The following HIBADH variants were observed in gnomAD, a reference collection of about 807,000 sequenced individuals.
The protein encoded by HIBADH is 3-hydroxyisobutyrate dehydrogenase, mitochondrial.
A neutral mutation model predicts 36.1 loss-of-function variants in HIBADH; 25 were observed. The observed-to-expected ratio is 0.69, with a 90% confidence interval of 0.50 to 0.97. The LOEUF (loss-of-function observed/expected upper bound fraction) is 0.97. Ranked by LOEUF, HIBADH falls within the 50% of genes least tolerant of loss-of-function variation. The pLI, the probability that HIBADH is intolerant of heterozygous loss-of-function variation, is 0.00. For synonymous variants in HIBADH, 160 were observed against 149.5 expected (o/e 1.07, Z -0.51); for missense variants, 421 against 418.0 (o/e 1.01, Z -0.06).
At chr7:27,529,787 A>G (rs1783964637) in intron 7 of HIBADH, among the ~76,000 whole-genome samples, 1 of 152,254 alleles carries the variant, frequency 6.6e-6, no homozygotes, top group South Asian at 2.1e-4. Flanking sequence ...ATCAAACAGT[A>G]GCACATAAAT....
At chr7:27,660,337 C>T (rs1786389765) in intron 1 of HIBADH, among the ~76,000 whole-genome samples, 1 of 152,098 alleles carries the variant, frequency 6.6e-6, no homozygotes, top group Non-Finnish European at 1.5e-5. Flanking sequence ...TTGCAGTAAA[C>T]TAAAATTAAC....
chr7:27,645,368 A>ATG (rs1554300959), intron 2 of HIBADH, among the ~76,000 whole-genome samples: 1,443 of 59,596 alleles, frequency 0.024, 404 homozygotes, highest in African/African-American at 0.06. Flanking sequence ...CATGGTTTTG[A>ATG]TTTTTTTTTT....
At chr7:27,643,675 C>T (rs1208968613) in intron 2 of HIBADH, among the ~76,000 whole-genome samples, 1 of 152,152 alleles carries the variant, frequency 6.6e-6, no homozygotes, top group Non-Finnish European at 1.5e-5. Context: ...CCACAAGCAC[C>T]GTCGCTTAAA....
chr7:27,547,411 C>A (rs1333103934), intron 4 of HIBADH, among the ~76,000 whole-genome samples: 2 of 152,128 alleles, frequency 1.3e-5, no homozygotes, highest in Non-Finnish European at 1.5e-5. Flanking sequence ...CATTTATCAC[C>A]TCTTTAACAG....
At chr7:27,631,826 T>G (rs2128294577) in intron 3 of HIBADH, among the ~76,000 whole-genome samples, 1 of 152,342 alleles carries the variant, frequency 6.6e-6, no homozygotes, top group Admixed American at 6.5e-5. Context: ...ATTTGCAACC[T>G]CTGACATAAA....
chr7:27,637,688 C>T (rs1043978913), intron 2 of HIBADH, among the ~76,000 whole-genome samples: 1 of 152,142 alleles, frequency 6.6e-6, no homozygotes, highest in African/African-American at 2.4e-5. Context: ...ATCTAGAAAA[C>T]CCCATAGTCT....
chr7:27,543,746 T>A (rs1784194166), intron 4 of HIBADH, among the ~76,000 whole-genome samples: 1 of 152,218 alleles, frequency 6.6e-6, no homozygotes, highest in African/African-American at 2.4e-5. Flanking sequence ...ATACATCTTT[T>A]GGGCAATTTA....
chr7:27,555,199 T>C (rs2128185984), intron 4 of HIBADH, among the ~76,000 whole-genome samples: 1 of 152,168 alleles, frequency 6.6e-6, no homozygotes, highest in Admixed American at 6.5e-5. Context: ...TCTGTATATG[T>C]GATAAAGGCA....
chr7:27,591,001 T>C (rs1238719760), intron 4 of HIBADH, among the ~76,000 whole-genome samples: 2 of 152,144 alleles, frequency 1.3e-5, no homozygotes, highest in African/African-American at 4.8e-5. Flanking sequence ...GAAAAGTTGA[T>C]TTTTCTTTTT....
intron 4 of HIBADH, among the ~76,000 whole-genome samples, chr7:27,544,266 G>C (rs1408719612): frequency 6.6e-6 from 1 of 152,062 alleles, no homozygotes; most frequent in Non-Finnish European, 1.5e-5. Flanking sequence ...TTTTGCTATT[G>C]TCAAATCAAA....
At chr7:27,533,305 T>C (rs1784028266) in intron 6 of HIBADH, among the ~76,000 whole-genome samples, 2 of 152,178 alleles carry the variant, frequency 1.3e-5, no homozygotes, top group Admixed American at 6.6e-5. Context: ...GTACTGGTAT[T>C]GATTGATGGA....
intron 3 of HIBADH, among the ~76,000 whole-genome samples, chr7:27,631,075 A>G (rs1785738729): frequency 6.6e-6 from 1 of 152,198 alleles, no homozygotes; most frequent in African/African-American, 2.4e-5. Flanking sequence ...AAACTTTTTA[A>G]AAACACTCCC....
chr7:27,645,761 G>C (rs1786057983), intron 2 of HIBADH, among the ~76,000 whole-genome samples: 1 of 151,990 alleles, frequency 6.6e-6, no homozygotes, highest in African/African-American at 2.4e-5. Flanking sequence ...ATATCTTCCT[G>C]GGAGAAATGT....
intron 7 of HIBADH, among the ~76,000 whole-genome samples, chr7:27,528,457 G>A (rs1413482531): frequency 6.6e-6 from 1 of 152,180 alleles, no homozygotes; most frequent in Non-Finnish European, 1.5e-5. Flanking sequence ...CTATTCCAGT[G>A]AACACATGAA....
intron 4 of HIBADH, among the ~76,000 whole-genome samples, chr7:27,575,222 T>C (rs1258758110): frequency 1.3e-5 from 2 of 152,220 alleles, no homozygotes; most frequent in African/African-American, 2.4e-5. Flanking sequence ...GCTGAGAACA[T>C]AGGTATACAG....
chr7:27,564,062 C>T (rs547005144), intron 4 of HIBADH, among the ~76,000 whole-genome samples: 10 of 152,096 alleles, frequency 6.6e-5, no homozygotes, highest in Non-Finnish European at 1.5e-4. Flanking sequence ...CCACACCCAG[C>T]TAATTTTTTG....
At chr7:27,528,063 G>A (rs1356068009) in intron 7 of HIBADH, among the ~76,000 whole-genome samples, 4 of 151,440 alleles carry the variant, frequency 2.6e-5, no homozygotes, top group Admixed American at 2.0e-4. Context: ...GTGCCCAGCC[G>A]ATCAGTGATC....
intron 4 of HIBADH, among the ~76,000 whole-genome samples, chr7:27,570,572 G>C (rs1162657024): frequency 6.6e-6 from 1 of 152,054 alleles, no homozygotes; most frequent in Non-Finnish European, 1.5e-5. Flanking sequence ...GGAGTTTCTG[G>C]AGTGATAGAA....
intron 2 of HIBADH, among the ~76,000 whole-genome samples, chr7:27,643,984 C>T (rs1786008671): frequency 6.6e-6 from 1 of 152,196 alleles, no homozygotes; most frequent in Non-Finnish European, 1.5e-5. Context: ...TTTAGATCGT[C>T]AAAGACCCTG....
Sources: allele counts gnomAD v4.1 joint callset (sites outside exome capture counted in the v4.1 genomes callset), GRCh38; gene constraint gnomAD v4.1.1; transcripts MANE v1.5; gene names NCBI Gene and HGNC (gene_info 2026-07-23, HGNC 2026-07-21).